Variants in HADHA observed in about 807,000 individuals in gnomAD.
HADHA encodes hydroxyacyl-CoA dehydrogenase trifunctional multienzyme complex subunit alpha, also known as trifunctional enzyme subunit alpha, mitochondrial.
HADHA carries 59 observed loss-of-function variants against 91.3 expected under a neutral mutation model. That is an observed-to-expected ratio of 0.65 (90% CI 0.52 to 0.80). The LOEUF is 0.80. HADHA is among the 30% of genes least tolerant of loss of function. HADHA has a pLI of 0.00. For synonymous variants in HADHA, 320 were observed against 338.9 expected (o/e 0.94, Z 0.61); for missense variants, 800 against 927.6 (o/e 0.86, Z 1.79).
chr2:26,212,341 C>T, intron 10 of HADHA: 1 of 530,698 alleles, frequency 1.9e-6, no homozygotes, highest in Admixed American at 3.1e-5. Flanking sequence ...CCCACCTCGG[C>T]CTCCCAGAAT....
At chr2:26,219,266 T>C (rs1217262014) in intron 7 of HADHA, among the ~76,000 whole-genome samples, 2 of 151,766 alleles carry the variant, frequency 1.3e-5, no homozygotes, top group Non-Finnish European at 2.9e-5. Flanking sequence ...GTAGCTGGGA[T>C]TACAGATGTG....
chr2:26,214,943 T>C lies in HADHA; in HGVS notation c.799+110A>G. On this transcript the variant is annotated intron_variant, in intron 8 of 19. Transcript: ENST00000380649. The surrounding 1 kb of genome is among the most constrained non-coding windows in gnomAD (Gnocchi z 4.1). The stretch of plus-strand genomic sequence containing the variant: ...CATCTCCTACCTAAGGCTGACTTTA[T>C]GCTTTGAGTAAATAATGCATTTACC... The C allele has an allele frequency of 1.9e-6, 2 of 1,036,692 alleles. No homozygotes were observed. Among genetic ancestry groups the C allele is most frequent in the Non-Finnish European group, 3.0e-6 (2 of 661,046 alleles). 64.2% of individuals were successfully genotyped at this position (1,036,692 alleles called of 1,614,324 possible).
chr2:26,211,302 A>C (rs532629991), intron 10 of HADHA, among the ~76,000 whole-genome samples: 10 of 152,088 alleles, frequency 6.6e-5, no homozygotes, highest in Non-Finnish European at 8.8e-5. Flanking sequence ...CTAGTACCAG[A>C]AGTGTTTTTC....
chr2:26,241,406 G>C (rs1670883803), intron 1 of HADHA, among the ~76,000 whole-genome samples: 1 of 151,726 alleles, frequency 6.6e-6, no homozygotes, highest in Non-Finnish European at 1.5e-5. Flanking sequence ...GATCACCTGA[G>C]GTCGGGAGTT....
At chr2:26,231,934 A>G (rs982803006) in intron 6 of HADHA, among the ~76,000 whole-genome samples, 3 of 146,424 alleles carry the variant, frequency 2.0e-5, no homozygotes, top group African/African-American at 7.6e-5. Context: ...ACACCACTGC[A>G]CTCTAGCCTG....
At chr2:26,219,280 C>T (rs1236593492) in intron 7 of HADHA, among the ~76,000 whole-genome samples, 1 of 151,852 alleles carries the variant, frequency 6.6e-6, no homozygotes, top group Non-Finnish European at 1.5e-5. Flanking sequence ...AGATGTGCCA[C>T]CAGGCCAGGC....
rs909412319 is a variant in HADHA, at chr2:26,244,571, A to C, written c.26T>G (p.Ile9Ser). Residue 9 changes from isoleucine to serine, a missense_variant, in exon 1 of 20, where the codon ATC (isoleucine) becomes AGC (serine). Physicochemically the swap from Ile to Ser is moderately radical, Grantham distance 142 (BLOSUM62 -2). Coordinates refer to ENST00000380649, the MANE Select transcript of HADHA (RefSeq NM_000182.5). ...CCTGAAGGCAGAAAAGCGGCTGAGG[A>C]TGCCAATCGCCCGGCAGGCCACCAT... MVACRAIG[I>S]LSRFSAFRIL... 6.9e-6 allele frequency: 11 copies of C among 1,588,016 alleles called. No individual in the cohort carries two copies. Among genetic ancestry groups the C allele is most frequent in the Middle Eastern group, 1.7e-4 (1 of 6,026 alleles).
intron 9 of HADHA, among the ~76,000 whole-genome samples, chr2:26,213,566 C>T (rs1439531297): frequency 1.3e-5 from 2 of 152,152 alleles, no homozygotes; most frequent in African/African-American, 4.8e-5. Flanking sequence ...GCCCACCCTC[C>T]TTGGCAATAC....
At chr2:26,236,402 G>A (rs1670760278) in intron 4 of HADHA, among the ~76,000 whole-genome samples, 1 of 118,692 alleles carries the variant, frequency 8.4e-6, no homozygotes. Context: ...GTGTGTGTGT[G>A]TGTGTGTGTG....
intron 1 of HADHA, among the ~76,000 whole-genome samples, chr2:26,241,575 C>T (rs1490894941): frequency 1.3e-5 from 2 of 151,852 alleles, no homozygotes; most frequent in Admixed American, 6.6e-5. Context: ...CACTTGAACC[C>T]GGGAGGCGGA....
chr2:26,222,041 T>A (rs891803989), intron 7 of HADHA, among the ~76,000 whole-genome samples: 1 of 152,182 alleles, frequency 6.6e-6, no homozygotes, highest in Non-Finnish European at 1.5e-5. Flanking sequence ...TGAAGTCCTA[T>A]CCTCCAGTAT....
intron 17 of HADHA, 113 bp downstream of exon 17, chr2:26,193,464 C>G (rs1043848043): frequency 1.7e-5 from 15 of 903,126 alleles, no homozygotes; most frequent in Non-Finnish European, 2.3e-5. Flanking sequence ...GTGATAAGGG[C>G]TCTGTGTTTA....
intron 7 of HADHA, among the ~76,000 whole-genome samples, chr2:26,227,711 C>T (rs1412788890): frequency 1.3e-5 from 2 of 151,948 alleles, no homozygotes; most frequent in Non-Finnish European, 2.9e-5. Flanking sequence ...GCATATGCCT[C>T]GTAATCCCGG....
At chr2:26,232,894 C>T (rs1410213982) in intron 5 of HADHA, among the ~76,000 whole-genome samples, 1 of 151,788 alleles carries the variant, frequency 6.6e-6, no homozygotes, top group Non-Finnish European at 1.5e-5. Flanking sequence ...GCCTATTGCT[C>T]CTAGTCCAGC....
chr2:26,200,054 C>T (rs1215521208), intron 13 of HADHA, among the ~76,000 whole-genome samples: 1 of 152,180 alleles, frequency 6.6e-6, no homozygotes, highest in African/African-American at 2.4e-5. Flanking sequence ...ACAACCGAAA[C>T]GGGGTGGTCT....
Position 26,238,831 on chromosome 2 carries a change from T to A in HADHA, c.180+103A>T, listed in dbSNP as rs1670822066. On this transcript the variant is annotated intron_variant, in intron 3 of 19. Coordinates refer to ENST00000380649, the MANE Select transcript of HADHA (RefSeq NM_000182.5). Reference sequence around the variant, plus strand: ...AAACTGTAAATTCATGTAAGATTACTGCCAGATTGGTAGATTTGGGGAAAT... The same window carrying A: ...AAACTGTAAATTCATGTAAGATTACAGCCAGATTGGTAGATTTGGGGAAAT... 5 of 810,060 alleles carry A rather than the reference T, an allele frequency of 6.2e-6. No homozygotes were observed. In the East Asian group the frequency reaches 1.2e-4, roughly 20 times the overall value. The allele number at this position is 810,060 out of a possible 1,614,324, so 50.2% of individuals were successfully genotyped here. A position where few individuals can be genotyped will look rare whatever the true frequency, so the allele number is the denominator to read the frequency against.
At chr2:26,206,558 C>T (rs1669976231) in intron 11 of HADHA, among the ~76,000 whole-genome samples, 1 of 152,108 alleles carries the variant, frequency 6.6e-6, no homozygotes, top group Non-Finnish European at 1.5e-5. Flanking sequence ...TTAGGATGTA[C>T]AAAAAATTAG....
At position 26,229,379 on chromosome 2, in the gene HADHA, T is replaced by C. The variant is rs557603640; in HGVS notation, c.676+813A>G. Reference sequence around the variant, plus strand: ...ACACACACACACACACACACAAAATTAATACATTTACTATTATGTAAGTAA... The same window carrying C: ...ACACACACACACACACACACAAAATCAATACATTTACTATTATGTAAGTAA... On this transcript the variant is annotated intron_variant, in intron 7 of 19. Coordinates refer to ENST00000380649, the MANE Select transcript of HADHA (RefSeq NM_000182.5). The surrounding 1 kb of genome is among the most constrained non-coding windows in gnomAD (Gnocchi z 4.3). 3.1e-5 allele frequency among the ~76,000 whole-genome samples: 3 copies of C among 95,874 alleles called. No individual in the cohort carries two copies. In the South Asian group the frequency reaches 1.0e-3, roughly 32 times the overall value. 62.9% of individuals were successfully genotyped at this position (95,874 alleles called of 152,430 possible). A position where few individuals can be genotyped will look rare whatever the true frequency, so the allele number is the denominator to read the frequency against.
chr2:26,204,055 G>A lies in HADHA; in HGVS notation c.1220+7C>T. On this transcript the variant is annotated splice_region_variant and intron_variant, in intron 12 of 19. Transcript: ENST00000380649. The stretch of plus-strand genomic sequence containing the variant: ...CTAACTCTTGCAAAGAGAGAGAGCA[G>A]GCTTACCCTTTGAACACTTGTTGCT... 1 of 1,613,494 alleles carries A rather than the reference G, an allele frequency of 6.2e-7. No homozygotes were observed. Among genetic ancestry groups the A allele is most frequent in the Non-Finnish European group, 8.5e-7 (1 of 1,179,414 alleles).
Sources: allele counts gnomAD v4.1 joint callset (sites outside exome capture counted in the v4.1 genomes callset), GRCh38; gene constraint gnomAD v4.1.1; non-coding constraint Gnocchi (gnomAD v3.1); transcripts MANE v1.5; gene names NCBI Gene and HGNC (gene_info 2026-07-23, HGNC 2026-07-21).